The following LYST variants were observed in gnomAD, a reference collection of about 807,000 sequenced individuals.
LYST encodes lysosomal-trafficking regulator.
A neutral mutation model predicts 413.6 loss-of-function variants in LYST; 192 were observed. The ratio of observed to expected loss-of-function variants is 0.46; its 90% CI spans 0.41 to 0.52. The LOEUF (loss-of-function observed/expected upper bound fraction) is 0.52. Ranked by LOEUF, LYST falls within the 20% of genes least tolerant of loss-of-function variation. The pLI, the probability that LYST is intolerant of heterozygous loss-of-function variation, is 0.00. For missense variants in LYST, 3,815 were observed against 4,499.9 expected, an observed-to-expected ratio of 0.85 and a Z score of 4.35; for synonymous variants, 1,525 against 1,567.3, an observed-to-expected ratio of 0.97 and a Z score of 0.64.
Position 235,803,201 on chromosome 1 carries a change from A to T in LYST, c.3556-137T>A, listed in dbSNP as rs1424966721. 5.7e-6 allele frequency: 4 copies of T among 705,540 alleles called. No individual in the cohort carries two copies. In the East Asian group the frequency reaches 8.2e-5, roughly 14 times the overall value. 43.7% of individuals were successfully genotyped at this position (705,540 alleles called of 1,614,324 possible). On this transcript the variant is annotated intron_variant, in intron 7 of 52. Coordinates refer to ENST00000389793, the MANE Select transcript of LYST (RefSeq NM_000081.4). ...AACTTAGTAAACAATATGAATCATTATAAATTATGAAATTCACTCAGCAAA... is the reference window on the plus strand; with the variant it reads ...AACTTAGTAAACAATATGAATCATTTTAAATTATGAAATTCACTCAGCAAA...
In LYST at chr1:235,731,109, C is replaced by T. The variant is rs762155407; in HGVS notation, c.8870G>A (p.Arg2957Gln). The change falls in exon 35 of 53, where the codon CGA becomes CAA. Residue 2957 changes from arginine to glutamine, a missense_variant. This residue lies in a region of LYST where 866 missense variants were observed against 1,156.0 expected (regional missense o/e 0.75). Transcript: ENST00000389793. The stretch of plus-strand genomic sequence containing the variant: ...ACATCTCTGTAAACGTCTCCTCTCT[C>T]GATTTGGCCCTTCTGTTGGATCCAA... ...WQLDPTEGPN[R>Q]ERRRLQRCYL... is the part of the protein sequence containing the mutation. 7 of 1,613,624 alleles carry T rather than the reference C, an allele frequency of 4.3e-6. No individual in the cohort carries two copies. The highest frequency in any genetic ancestry group is 3.3e-5 in the South Asian group (3 of 91,084).
At chr1:235,876,185 G>A (rs1257633429) in intron 1 of LYST, among the ~76,000 whole-genome samples, 1 of 152,012 alleles carries the variant, frequency 6.6e-6, no homozygotes, top group East Asian at 1.9e-4. Flanking sequence ...TCATGTCACC[G>A]CACTCCATCC....
chr1:235,877,626 G>A (rs1178020200), intron 1 of LYST, among the ~76,000 whole-genome samples: 5 of 151,934 alleles, frequency 3.3e-5, no homozygotes, highest in Non-Finnish European at 5.9e-5. Context: ...GGCTGGTCTC[G>A]AACTCCCAAC....
At chr1:235,846,080 G>A (rs1677824495) in intron 1 of LYST, among the ~76,000 whole-genome samples, 1 of 152,068 alleles carries the variant, frequency 6.6e-6, no homozygotes, top group African/African-American at 2.4e-5. Context: ...CAAAAATAGA[G>A]CATTAAACCA....
At chr1:235,785,087 G>T (rs1670281979) in intron 14 of LYST, among the ~76,000 whole-genome samples, 1 of 152,124 alleles carries the variant, frequency 6.6e-6, no homozygotes, top group South Asian at 2.1e-4. Context: ...ACAGCTGTAA[G>T]CAATCAATTG....
chr1:235,677,176 T>C lies in LYST; in HGVS notation c.10953A>G (p.Val3651=). 6.2e-7 allele frequency: 1 copy of C among 1,611,996 alleles called. No homozygotes were observed. The highest frequency in any genetic ancestry group is 8.5e-7 in the Non-Finnish European group (1 of 1,178,120). ...IIWDLNRLCY[V]QSLAGHKSPV... Reference sequence around the variant, plus strand: ...GGCTTTTGTGTCCCGCCAGACTTTGTACATAGCATAACCTGAAAGAAAAAA... The same window carrying C: ...GGCTTTTGTGTCCCGCCAGACTTTGCACATAGCATAACCTGAAAGAAAAAA... The change falls in exon 50 of 53, where the codon GTA becomes GTG. Residue 3651 remains valine, a synonymous_variant. Transcript: ENST00000389793.
upstream of LYST, among the ~76,000 whole-genome samples, chr1:235,871,502 C>T (rs566301652): frequency 1.3e-5 from 2 of 152,162 alleles, no homozygotes; most frequent in East Asian, 1.9e-4. Flanking sequence ...TAGTTTAAGA[C>T]TAGGTTTTGC....
chr1:235,699,733 A>G (rs531821234), intron 45 of LYST, among the ~76,000 whole-genome samples: 37 of 152,216 alleles, frequency 2.4e-4, no homozygotes, highest in Non-Finnish European at 4.4e-4. Flanking sequence ...CAGCCTCACC[A>G]GCATCCATTG....
rs66890524 is a variant in LYST at position 235,666,225 on chromosome 1, TACACACACACACACACACACACAC to T, written c.11039-1628_11039-1605del. ...GCATAAACAAAATGCAGTATGTACATACACACACACACACACACACACACACACACACACACACACACACAATTT... is the reference window on the plus strand; with the variant it reads ...GCATAAACAAAATGCAGTATGTACATACACACACACACACACACACAATTT... On this transcript the variant is annotated intron_variant, in intron 50 of 52. Coordinates refer to ENST00000389793, the MANE Select transcript of LYST (RefSeq NM_000081.4). 4.4e-5 allele frequency among the ~76,000 whole-genome samples: 6 copies of T among 136,012 alleles called. No homozygotes were observed. The East Asian group carries it at 6.9e-4, about 16-fold the overall frequency. 89.2% of individuals were successfully genotyped at this position (136,012 alleles called of 152,430 possible). A position where few individuals can be genotyped will look rare whatever the true frequency, so the allele number is the denominator to read the frequency against.
chr1:235,865,544 G>A (rs1240958890), intron 1 of LYST, among the ~76,000 whole-genome samples: 1 of 152,130 alleles, frequency 6.6e-6, no homozygotes, highest in Admixed American at 6.5e-5. Context: ...GTATTTTTAT[G>A]CAAATTACAG....
Position 235,809,843 on chromosome 1 carries a change from C to T in LYST, c.975G>A (p.Arg325=). The T allele has an allele frequency of 1.2e-6, 2 of 1,613,958 alleles. No homozygotes were observed. The highest frequency in any genetic ancestry group is 1.7e-4 in the Middle Eastern group (1 of 6,060). The part of the protein sequence containing the change: ...WTEEPVALIQ[R]MLFRTVLHLL... ...GATGCAACACTGTTCGAAAGAGCAT[C>T]CTTTGAATCAAAGCCACCGGTTCTT... The change falls in exon 5 of 53, where the codon AGG becomes AGA. Residue 325 remains arginine, a synonymous_variant. Transcript: ENST00000389793. The surrounding 1 kb of genome is among the most constrained non-coding windows in gnomAD (Gnocchi z 4.0).
chr1:235,783,838 T>C (rs1245145891), intron 14 of LYST, among the ~76,000 whole-genome samples: 2 of 152,112 alleles, frequency 1.3e-5, no homozygotes, highest in East Asian at 1.9e-4. Flanking sequence ...TGTTACCTTA[T>C]TTTAAAAGGC....
rs1659194877 is a variant in LYST, at chr1:235,674,228, A to G, written c.11038+2863T>C. Among the ~76,000 whole-genome samples, 1 of 152,130 alleles carries G rather than the reference A, an allele frequency of 6.6e-6. No individual in the cohort carries two copies. Among genetic ancestry groups the G allele is most frequent in the Non-Finnish European group, 1.5e-5 (1 of 68,026 alleles). ...GGACGCAGTGAATCTAAGCCTTTTC[A>G]AGAGTTAACCAGCCTGTCTGCCCTT... On this transcript the variant is annotated intron_variant, in intron 50 of 52. Transcript: ENST00000389793. The surrounding 1 kb of genome is among the most constrained non-coding windows in gnomAD (Gnocchi z 4.1).
At chr1:235,754,858 G>T (rs1289401918) in intron 25 of LYST, among the ~76,000 whole-genome samples, 1 of 151,802 alleles carries the variant, frequency 6.6e-6, no homozygotes, top group Non-Finnish European at 1.5e-5. Context: ...AGGATGGCTT[G>T]AGGTCAGGAG....
At chr1:235,786,248 C>A (rs1670397255) in intron 14 of LYST, among the ~76,000 whole-genome samples, 2 of 152,038 alleles carry the variant, frequency 1.3e-5, no homozygotes, top group Non-Finnish European at 2.9e-5. Flanking sequence ...GCTTATTTTG[C>A]ATGAAAATGA....
At position 235,759,397 on chromosome 1, in the gene LYST, A is replaced by G. The variant is rs1354625395; in HGVS notation, c.6456T>C (p.Ser2152=). 8.1e-6 allele frequency: 13 copies of G among 1,614,028 alleles called. No individual in the cohort carries two copies. The highest frequency in any genetic ancestry group is 3.3e-5 in the Admixed American group (2 of 59,992). The change falls in exon 23 of 53, where the codon AGT becomes AGC. Residue 2152 remains serine (S), a synonymous_variant. Transcript: ENST00000389793. ...TQSKKQNSLG[S]SDTLKKGKED... is the part of the protein sequence containing the mutation. ...CTTTGCCTTTTTTCAGTGTGTCGGA[A>G]CTCCCCAAAGAATTTTGTTTCTTTG...
intron 45 of LYST, among the ~76,000 whole-genome samples, chr1:235,701,853 A>T (rs573250527): frequency 6.6e-6 from 1 of 152,352 alleles, no homozygotes; most frequent in African/African-American, 2.4e-5. Context: ...TTTTGTTTGT[A>T]TTTAACATGA....
At chr1:235,722,658 G>C (rs919311022) in intron 39 of LYST, among the ~76,000 whole-genome samples, 1 of 152,040 alleles carries the variant, frequency 6.6e-6, no homozygotes, top group Non-Finnish European at 1.5e-5. Flanking sequence ...GCTAATTTTT[G>C]TATTTTTAGT....
In LYST at chr1:235,759,297, A is replaced by G. The variant is rs373220977; in HGVS notation, c.6556T>C (p.Ser2186Pro). 16 of 1,614,066 alleles carry G rather than the reference A, an allele frequency of 9.9e-6. No individual in the cohort carries two copies. In the African/African-American group the frequency reaches 1.5e-4, roughly 15 times the overall value. ...EMEAVLSAQVSVSDVPKGVLG... is the reference protein window; with the variant it reads ...EMEAVLSAQVPVSDVPKGVLG... ...ACTCCCTTTGGGACATCACTGACAGAGACCTGGGCTGAGAGGACAGCTTCC... is the reference window on the plus strand; with the variant it reads ...ACTCCCTTTGGGACATCACTGACAGGGACCTGGGCTGAGAGGACAGCTTCC... The change falls in exon 23 of 53, where the codon TCT (serine) becomes CCT (proline). Residue 2186 changes from serine (S) to proline (P), a missense_variant. Ser to Pro is a moderately conservative substitution (Grantham distance 74). Transcript: ENST00000389793.
Sources: gnomAD v4.1 joint callset for allele counts (sites outside exome capture counted in the v4.1 genomes callset) on GRCh38, gnomAD v4.1.1 for gene constraint, gnomAD v4.1.1 regional missense constraint, Gnocchi (gnomAD v3.1) non-coding constraint, MANE v1.5 for transcripts, NCBI Gene and HGNC (gene_info 2026-07-23, HGNC 2026-07-21) for gene names.